Variants in ITPR3 observed in about 807,000 individuals in gnomAD.
ITPR3 encodes inositol 1,4,5-trisphosphate receptor type 3.
Under a neutral mutation model 293.2 loss-of-function variants are expected in ITPR3, and 173 were observed. The ratio of observed to expected loss-of-function variants is 0.59; its 90% CI spans 0.52 to 0.67. The LOEUF (loss-of-function observed/expected upper bound fraction) is 0.67, where lower values mean the gene tolerates loss of function less well. Among genes scored for constraint, ITPR3 ranks in the 30% least tolerant of loss-of-function variants. The pLI is 0.00. For missense variants in ITPR3, 2,796 were observed against 3,592.1 expected (o/e 0.78, Z 5.66); for synonymous variants, 1,295 against 1,444.4 (o/e 0.90, Z 2.35).
At chr6:33,652,548 C>T (rs1168738115) in intron 2 of ITPR3, among the ~76,000 whole-genome samples, 1 of 152,032 alleles carries the variant, frequency 6.6e-6, no homozygotes, top group Non-Finnish European at 1.5e-5. Context: ...GCAGCCTCTG[C>T]CCCCGACCCC....
chr6:33,653,575 T>C (rs1004994627), intron 2 of ITPR3, among the ~76,000 whole-genome samples: 1 of 146,320 alleles, frequency 6.8e-6, no homozygotes, highest in African/African-American at 2.5e-5. Flanking sequence ...TCCTGGAAAA[T>C]TCAGTGTTTG....
rs1283949152 is a variant in ITPR3 at position 33,696,095 on chromosome 6, C to A, written c.*315C>A. 4 of 342,268 alleles carry A rather than the reference C, an allele frequency of 1.2e-5. No homozygotes were observed. Among genetic ancestry groups the A allele is most frequent in the Non-Finnish European group, 2.2e-5 (4 of 184,708 alleles). The allele number at this position is 342,268 out of a possible 1,614,324, so 21.2% of individuals were successfully genotyped here. A position where few individuals can be genotyped will look rare whatever the true frequency, so the allele number is the denominator to read the frequency against. On this transcript the variant is annotated 3_prime_UTR_variant, in exon 58 of 58. Transcript: ENST00000605930. ...GCAATAACTGACAACTCTTTGTAGT[C>A]CTCCTTGTGGGTAGTTAAGAGTGGG...
rs1340471495 is a variant in ITPR3, at chr6:33,663,731, C to T, written c.1006-7C>T. Reference sequence around the variant, plus strand: ...GGCCTTCTACCTGATTTGGGGTCCTCATCCAGGGGGCACAGGGCCGCACAG... The same window carrying T: ...GGCCTTCTACCTGATTTGGGGTCCTTATCCAGGGGGCACAGGGCCGCACAG... On this transcript the variant is annotated splice_region_variant and splice_polypyrimidine_tract_variant and intron_variant, in intron 10 of 57. Transcript: ENST00000605930. 2 of 1,613,464 alleles carry T rather than the reference C, an allele frequency of 1.2e-6. No individual in the cohort carries two copies. The highest frequency in any genetic ancestry group is 2.7e-5 in the African/African-American group (2 of 74,916).
In ITPR3 at chr6:33,633,678, C is replaced by G. The variant is rs1397866422; in HGVS notation, c.90-6806C>G. On this transcript the variant is annotated intron_variant, in intron 1 of 57. Coordinates refer to ENST00000605930, the MANE Select transcript of ITPR3 (RefSeq NM_002224.4). The surrounding 1 kb of genome is among the most constrained non-coding windows in gnomAD (Gnocchi z 5.2). ...GCAGGCCGGGGCGAGGCCGCGCTGG[C>G]CCTCCCTTGGCGGCGGCGGCGCGTC... is the stretch of plus-strand genomic sequence containing the variant. 1.3e-5 allele frequency among the ~76,000 whole-genome samples: 2 copies of G among 149,972 alleles called. No individual in the cohort carries two copies. Among genetic ancestry groups the G allele is most frequent in the East Asian group, 3.9e-4 (2 of 5,138 alleles).
chr6:33,668,943 C>A lies in ITPR3; in HGVS notation c.2007-31C>A, dbSNP rs201697258. The A allele has an allele frequency of 1.3e-4, 207 of 1,607,306 alleles. 2 individuals are homozygous for A. The East Asian group carries it at 2.1e-3, about 16-fold the overall frequency. On this transcript the variant is annotated intron_variant, in intron 17 of 57. Coordinates refer to ENST00000605930, the MANE Select transcript of ITPR3 (RefSeq NM_002224.4). ...TCCAGGCGTAGTGCCCTGGACCTGGCTCCCTGTGACAGGTTGCTGGTGGTC... is the reference window on the plus strand; with the variant it reads ...TCCAGGCGTAGTGCCCTGGACCTGGATCCCTGTGACAGGTTGCTGGTGGTC...
At chr6:33,643,018 T>C (rs1763984577) in intron 2 of ITPR3, among the ~76,000 whole-genome samples, 1 of 152,174 alleles carries the variant, frequency 6.6e-6, no homozygotes, top group Non-Finnish European at 1.5e-5. Context: ...ATGAGAGACA[T>C]GGACTATAGC....
rs549573743 is a variant in ITPR3, at chr6:33,629,856, G to T, written c.89+8165G>T. Among the ~76,000 whole-genome samples the T allele has an allele frequency of 5.7e-4, 86 of 152,034 alleles. 1 individual carries two copies. Among genetic ancestry groups the T allele is most frequent in the Middle Eastern group, 6.8e-3 (2 of 294 alleles). On this transcript the variant is annotated intron_variant, in intron 1 of 57. Coordinates refer to ENST00000605930, the MANE Select transcript of ITPR3 (RefSeq NM_002224.4). ...GCCTGTAATCCCAGCTCTTTGGGAGGCTGAGGCAGGCGGATCACGAGGTCA... is the reference window on the plus strand; with the variant it reads ...GCCTGTAATCCCAGCTCTTTGGGAGTCTGAGGCAGGCGGATCACGAGGTCA...
Position 33,686,495 on chromosome 6 carries a change from C to T in ITPR3, c.5955C>T (p.Arg1985=), listed in dbSNP as rs996140165. 2 of 1,614,128 alleles carry T rather than the reference C, an allele frequency of 1.2e-6. No homozygotes were observed. The highest frequency in any genetic ancestry group is 1.7e-6 in the Non-Finnish European group (2 of 1,179,952). ...LNDISPLCKY[R]MDLVLQLKDN... is the part of the protein sequence containing the mutation. ...ACATCAGCCCCCTGTGCAAGTACCGCATGGATCTGGTGCTGCAGCTCAAGG... is the reference window on the plus strand; with the variant it reads ...ACATCAGCCCCCTGTGCAAGTACCGTATGGATCTGGTGCTGCAGCTCAAGG... Residue 1985 remains arginine, a synonymous_variant, in exon 43 of 58, where the codon CGC becomes CGT. Coordinates refer to ENST00000605930, the MANE Select transcript of ITPR3 (RefSeq NM_002224.4).
At chr6:33,642,474 G>T (rs1294733655) in intron 2 of ITPR3, among the ~76,000 whole-genome samples, 1 of 152,164 alleles carries the variant, frequency 6.6e-6, no homozygotes, top group African/African-American at 2.4e-5. Context: ...GGGAAGCTTT[G>T]CATGTGTGTC....
Position 33,678,683 on chromosome 6 carries a change from T to C in ITPR3, c.3816T>C (p.Tyr1272=). 1.9e-6 allele frequency: 3 copies of C among 1,613,044 alleles called. No individual in the cohort carries two copies. Among genetic ancestry groups the C allele is most frequent in the Non-Finnish European group, 2.5e-6 (3 of 1,179,806 alleles). The part of the protein sequence containing the change: ...ETMQHIFLNN[Y]QLCSEISEPV... ...TGCAGCACATCTTCCTGAACAACTA[T>C]CAGCTCTGCTCCGAGATCAGCGAGC... Residue 1272 remains tyrosine (Y), a synonymous_variant, in exon 30 of 58, where the codon TAT becomes TAC. Transcript: ENST00000605930.
intron 2 of ITPR3, among the ~76,000 whole-genome samples, chr6:33,648,274 C>G (rs569209529): frequency 2.0e-5 from 3 of 152,106 alleles, no homozygotes; most frequent in African/African-American, 7.2e-5. Context: ...CTGTGTTGCC[C>G]AGGCTCGTCT....
rs754649133 is a variant in ITPR3, at chr6:33,695,761, A to G, written c.7997A>G (p.Gln2666Arg). 10 of 1,614,160 alleles carry G rather than the reference A, an allele frequency of 6.2e-6. No individual in the cohort carries two copies. The highest frequency in any genetic ancestry group is 8.5e-6 in the Non-Finnish European group (10 of 1,180,014). ...CAACGCCTAGGCTTTGTGGATGTCC[A>G]GAACTGCATTAGCCGCTGAGGAGAG... ...RRQRLGFVDV[Q>R]NCISR Residue 2666 changes from glutamine (Q) to arginine (R), a missense_variant, in exon 58 of 58, where the codon CAG becomes CGG. Gln to Arg is a conservative substitution (Grantham distance 43). Transcript: ENST00000605930.
rs1410809427 is a variant in ITPR3, at chr6:33,628,010, AC to A, written c.89+6320del. ...AGAATCCTGCTGGAGCCACTTGATT[AC>A]ACTCTGCCCTGCCCTACATTCCTGA... On this transcript the variant is annotated intron_variant, in intron 1 of 57. Coordinates refer to ENST00000605930, the MANE Select transcript of ITPR3 (RefSeq NM_002224.4). Among the ~76,000 whole-genome samples, 8 of 152,338 alleles carry A rather than the reference AC, an allele frequency of 5.3e-5. No individual in the cohort carries two copies. In the East Asian group the frequency reaches 1.5e-3, roughly 29 times the overall value.
chr6:33,679,510 G>A lies in ITPR3; in HGVS notation c.3973-372G>A, dbSNP rs534918736. On this transcript the variant is annotated intron_variant, in intron 30 of 57. Transcript: ENST00000605930. This position sits in a 1 kb window ranked among gnomAD's most constrained non-coding sequence, Gnocchi z 4.2. The stretch of plus-strand genomic sequence containing the variant: ...TTATATTACTGCGAATAATGCAGTC[G>A]CTGGCACGAGAGGTGTGTGCTCAGT... Among the ~76,000 whole-genome samples, 72 of 152,316 alleles carry A rather than the reference G, an allele frequency of 4.7e-4. No individual in the cohort carries two copies. Among genetic ancestry groups the A allele is most frequent in the African/African-American group, 1.5e-3 (62 of 41,552 alleles).
rs202113847 is a variant in ITPR3 at position 33,684,175 on chromosome 6, G to A, written c.4937+7G>A. The A allele has an allele frequency of 1.1e-5, 18 of 1,609,776 alleles. No individual in the cohort carries two copies. The East Asian group carries it at 2.2e-4, about 20-fold the overall frequency. On this transcript the variant is annotated splice_region_variant and intron_variant, in intron 36 of 57. Transcript: ENST00000605930. The surrounding 1 kb of genome is among the most constrained non-coding windows in gnomAD (Gnocchi z 4.2). ...GTGGGGGCTTCCTGTCCAAGTGAGC[G>A]AGACACTGGGGCATGGGGGCAGCAG...
At chr6:33,673,781 T>C in intron 23 of ITPR3, 61 bp downstream of exon 23, 4 of 1,586,780 alleles carry the variant, frequency 2.5e-6, no homozygotes, top group Non-Finnish European at 3.4e-6. Context: ...TACACAGCAG[T>C]GGGGTGGAGC....
Position 33,675,670 on chromosome 6 carries a change from C to T in ITPR3, c.3117-21C>T, listed in dbSNP as rs193276292. On this transcript the variant is annotated intron_variant, in intron 24 of 57. Coordinates refer to ENST00000605930, the MANE Select transcript of ITPR3 (RefSeq NM_002224.4). The surrounding 1 kb of genome is among the most constrained non-coding windows in gnomAD (Gnocchi z 5.0). ...GAGTGTGCCAGTCTCACCCATGCGC[C>T]CTGCACCCTTGTGCCCGCAGGAAGA... The T allele has an allele frequency of 7.0e-6, 11 of 1,579,730 alleles. No individual in the cohort carries two copies. Among genetic ancestry groups the T allele is most frequent in the Non-Finnish European group, 9.5e-6 (11 of 1,160,626 alleles).
At chr6:33,642,545 G>A (rs577438531) in intron 2 of ITPR3, among the ~76,000 whole-genome samples, 2 of 152,114 alleles carry the variant, frequency 1.3e-5, no homozygotes, top group Admixed American at 6.5e-5. Context: ...GGGTGTGACC[G>A]AGGAAGACTT....
chr6:33,640,498 G>A lies in ITPR3; in HGVS notation c.104G>A (p.Arg35His), dbSNP rs1472444463. Residue 35 changes from arginine (R) to histidine (H), a missense_variant, in exon 2 of 58, where the codon CGC becomes CAC. By Grantham distance (29) the Arg-to-His change is conservative. Around this residue, in one of 8 missense-constraint regions of ITPR3, gnomAD observed 22 missense variants for 56.5 expected, o/e 0.39. Coordinates refer to ENST00000605930, the MANE Select transcript of ITPR3 (RefSeq NM_002224.4). ...TTGTTCCCCAGGCTGGTGGATGACC[G>A]CTGTGTGGTGGAGCCCGCGGCCGGG... ...FISTLGLVDD[R>H]CVVEPAAGDL... The A allele has an allele frequency of 6.2e-7, 1 of 1,613,378 alleles. No homozygotes were observed. The highest frequency in any genetic ancestry group is 8.5e-7 in the Non-Finnish European group (1 of 1,179,714).
Sources: allele counts gnomAD v4.1 joint callset (sites outside exome capture counted in the v4.1 genomes callset), GRCh38; gene constraint gnomAD v4.1.1; regional missense constraint gnomAD v4.1.1; non-coding constraint Gnocchi (gnomAD v3.1); transcripts MANE v1.5; gene names NCBI Gene and HGNC (gene_info 2026-07-23, HGNC 2026-07-21).